The following FRMPD1 variants were observed in gnomAD, a reference collection of about 807,000 sequenced individuals.
FRMPD1 encodes the protein FERM and PDZ domain containing 1, also known as FERM and PDZ domain-containing protein 1.
In FRMPD1, 76 loss-of-function variants were observed where a neutral mutation model predicts 117.8. That is an observed-to-expected ratio of 0.65 (90% CI 0.54 to 0.78). The LOEUF (loss-of-function observed/expected upper bound fraction) is 0.78. FRMPD1 is among the 30% of genes least tolerant of loss of function. The pLI, the probability that FRMPD1 is intolerant of heterozygous loss-of-function variation, is 0.00. For missense variants in FRMPD1, 1,786 were observed against 1,964.5 expected (o/e 0.91, Z 1.72); for synonymous variants, 783 against 770.4 (o/e 1.02, Z -0.27).
chr9:37,636,416 AG>A, the FRMPD1 span, among the ~76,000 whole-genome samples: 7 of 152,062 alleles, frequency 4.6e-5, no homozygotes, highest in Admixed American at 1.3e-4. Context: ...AAAGGTGTGT[AG>A]GGGGGGCATC....
At chr9:37,620,998 T>C in the FRMPD1 span, among the ~76,000 whole-genome samples, 8 of 152,242 alleles carry the variant, frequency 5.3e-5, no homozygotes, top group South Asian at 1.7e-3. Flanking sequence ...TCAGTTTGCA[T>C]GTTACCTATT....
At chr9:37,690,090 C>A (rs1822080466) in intron 1 of FRMPD1, among the ~76,000 whole-genome samples, 1 of 151,928 alleles carries the variant, frequency 6.6e-6, no homozygotes, top group South Asian at 2.1e-4. Flanking sequence ...AGTTTCCTTA[C>A]CTCCATTTCC....
At chr9:37,638,017 T>C in the FRMPD1 span, among the ~76,000 whole-genome samples, 1 of 124,372 alleles carries the variant, frequency 8.0e-6, no homozygotes, top group African/African-American at 2.9e-5. Flanking sequence ...TCTTTCTTTC[T>C]TTCTTTCTCT....
At chr9:37,733,633 G>GT (rs1477532813) in intron 11 of FRMPD1, 34 bp downstream of exon 11, 14 of 1,611,834 alleles carry the variant, frequency 8.7e-6, no homozygotes, top group African/African-American at 1.3e-5. Flanking sequence ...CCACTCAGCT[G>GT]TCGTCTGTGA....
At chr9:37,674,327 C>T (rs1313345351) in intron 1 of FRMPD1, among the ~76,000 whole-genome samples, 1 of 152,164 alleles carries the variant, frequency 6.6e-6, no homozygotes, top group Non-Finnish European at 1.5e-5. Flanking sequence ...TCGATAAGTT[C>T]CTCATCTCCG....
At chr9:37,712,985 A>T (rs1822966363) in intron 5 of FRMPD1, among the ~76,000 whole-genome samples, 1 of 152,048 alleles carries the variant, frequency 6.6e-6, no homozygotes, top group South Asian at 2.1e-4. Context: ...TATTACTGAC[A>T]TATATAAAAA....
At chr9:37,624,453 T>A in the FRMPD1 span, among the ~76,000 whole-genome samples, 1 of 152,170 alleles carries the variant, frequency 6.6e-6, no homozygotes, top group East Asian at 1.9e-4. Context: ...TATTCTTGCT[T>A]TTATATTTCA....
chr9:37,687,044 T>G (rs1821972479), intron 1 of FRMPD1, among the ~76,000 whole-genome samples: 1 of 152,184 alleles, frequency 6.6e-6, no homozygotes, highest in Non-Finnish European at 1.5e-5. Context: ...GCTCCATGTA[T>G]TCCATGGATG....
chr9:37,700,627 T>C (rs1233026398), intron 2 of FRMPD1, among the ~76,000 whole-genome samples: 3 of 152,220 alleles, frequency 2.0e-5, no homozygotes, highest in African/African-American at 4.8e-5. Flanking sequence ...AGTATCCATC[T>C]GGTAGTTTTC....
At chr9:37,679,250 A>G (rs367792099) in intron 1 of FRMPD1, among the ~76,000 whole-genome samples, 1 of 152,206 alleles carries the variant, frequency 6.6e-6, no homozygotes, top group Non-Finnish European at 1.5e-5. Flanking sequence ...GGGGAACTGT[A>G]GTTTGCTTAA....
rs551334619 is a variant in FRMPD1 at position 37,710,914 on chromosome 9, C to T, written c.363-436C>T. On this transcript the variant is annotated intron_variant, in intron 4 of 15. Transcript: ENST00000377765. The stretch of plus-strand genomic sequence containing the variant: ...CGGAGGTTGCAGCAAGCCAAGATTG[C>T]GCCATTGCATTCCAGCCTGGGCAAC... Among the ~76,000 whole-genome samples the T allele has an allele frequency of 9.5e-5, 14 of 146,808 alleles. 1 individual carries two copies. The highest frequency in any genetic ancestry group is 6.0e-4 in the East Asian group (3 of 5,006).
intron 2 of FRMPD1, among the ~76,000 whole-genome samples, chr9:37,693,419 A>C (rs1454006819): frequency 6.6e-6 from 1 of 152,174 alleles, no homozygotes; most frequent in Non-Finnish European, 1.5e-5. Flanking sequence ...TGTTTCTGAG[A>C]CACACATTCT....
the FRMPD1 span, among the ~76,000 whole-genome samples, chr9:37,613,866 C>T: frequency 6.6e-6 from 1 of 152,238 alleles, no homozygotes. Context: ...TCTGTCATCT[C>T]TCACTAGACT....
the FRMPD1 span, among the ~76,000 whole-genome samples, chr9:37,626,621 T>TAAAAAAAAAAAAAAA: frequency 3.5e-5 from 1 of 28,178 alleles, no homozygotes; most frequent in Admixed American, 3.0e-4. Flanking sequence ...ACCTGGTATC[T>TAAAAAAAAAAAAAAA]GAAAAAAAAA....
the FRMPD1 span, among the ~76,000 whole-genome samples, chr9:37,622,928 A>C: frequency 6.6e-6 from 1 of 152,106 alleles, no homozygotes; most frequent in Non-Finnish European, 1.5e-5. Context: ...AAAAAAAAAA[A>C]CAAAGAGAGA....
intron 2 of FRMPD1, among the ~76,000 whole-genome samples, chr9:37,698,411 T>A (rs562480854): frequency 5.6e-4 from 86 of 152,268 alleles, no homozygotes; most frequent in South Asian, 1.2e-3. Context: ...CTTTATTGTA[T>A]GTGAAATTCT....
intron 1 of FRMPD1, among the ~76,000 whole-genome samples, chr9:37,683,105 G>C (rs575368741): frequency 6.6e-6 from 1 of 152,160 alleles, no homozygotes; most frequent in South Asian, 2.1e-4. Context: ...TACCCGTTCT[G>C]GTCATTTCAT....
At chr9:37,679,772 T>C (rs1311357717) in intron 1 of FRMPD1, among the ~76,000 whole-genome samples, 1 of 152,160 alleles carries the variant, frequency 6.6e-6, no homozygotes, top group African/African-American at 2.4e-5. Context: ...AGCAGGAACC[T>C]GATTGCTGGT....
At chr9:37,714,451 G>A (rs922362414) in intron 5 of FRMPD1, among the ~76,000 whole-genome samples, 6 of 152,240 alleles carry the variant, frequency 3.9e-5, no homozygotes, top group African/African-American at 1.2e-4. Flanking sequence ...AGAGAGGAAC[G>A]TGCTCTGGAG....
Sources: allele counts gnomAD v4.1 joint callset (sites outside exome capture counted in the v4.1 genomes callset), GRCh38; gene constraint gnomAD v4.1.1; transcripts MANE v1.5; gene names NCBI Gene and HGNC (gene_info 2026-07-23, HGNC 2026-07-21).